Variants in SLC14A2 observed in about 807,000 individuals in gnomAD.
SLC14A2 encodes the protein solute carrier family 14 member 2, also known as urea transporter 2.
Under a neutral mutation model 104.6 loss-of-function variants are expected in SLC14A2, and 91 were observed. The ratio of observed to expected loss-of-function variants is 0.87; its 90% CI spans 0.73 to 1.04. The LOEUF (loss-of-function observed/expected upper bound fraction) is 1.04, where lower values mean the gene tolerates loss of function less well. SLC14A2 is among the 50% of genes least tolerant of loss of function. The probability of loss-of-function intolerance (pLI) is 0.00; values close to 1 mark genes in which losing one functional copy is unlikely to be tolerated. For missense variants in SLC14A2, 1,189 were observed against 1,156.0 expected, an observed-to-expected ratio of 1.03 and a Z score of -0.41; for synonymous variants, 476 against 466.4, an observed-to-expected ratio of 1.02 and a Z score of -0.27.
At chr18:45,395,600 T>A (rs1282570525) in intron 1 of SLC14A2, among the ~76,000 whole-genome samples, 3 of 151,690 alleles carry the variant, frequency 2.0e-5, no homozygotes, top group African/African-American at 7.3e-5. Flanking sequence ...TAATCCAAAC[T>A]TTTTTTTTGT....
At chr18:45,258,829 T>A (rs1347422953) in intron 1 of SLC14A2, among the ~76,000 whole-genome samples, 2 of 102,800 alleles carry the variant, frequency 1.9e-5, no homozygotes, top group Non-Finnish European at 4.1e-5. Context: ...TGACTAGGGG[T>A]GTGACTTGAT....
At chr18:45,512,608 A>T (rs772449399) in intron 2 of SLC14A2, among the ~76,000 whole-genome samples, 7 of 152,226 alleles carry the variant, frequency 4.6e-5, no homozygotes, top group Non-Finnish European at 1.0e-4. Flanking sequence ...ATTACCAAGA[A>T]AAATGACAGC....
intron 2 of SLC14A2, among the ~76,000 whole-genome samples, chr18:45,594,423 C>G (rs141209215): frequency 7.9e-5 from 12 of 152,084 alleles, no homozygotes; most frequent in Non-Finnish European, 1.8e-4. Context: ...AAAATGGCAC[C>G]GCAGGTTTTC....
intron 18 of SLC14A2, among the ~76,000 whole-genome samples, chr18:45,675,713 T>A (rs373027610): frequency 0.33 from 17,933 of 55,076 alleles, 1,083 homozygotes; most frequent in South Asian, 0.4. Flanking sequence ...ATATATATTT[T>A]TTTTTTTTTT....
At chr18:45,287,633 C>T (rs915170421) in intron 1 of SLC14A2, among the ~76,000 whole-genome samples, 21 of 152,242 alleles carry the variant, frequency 1.4e-4, no homozygotes, top group African/African-American at 4.1e-4. Flanking sequence ...GGCATGAAAA[C>T]TAAATGATCA....
chr18:45,491,635 GGGAAAA>G (rs1410285297), intron 2 of SLC14A2, among the ~76,000 whole-genome samples: 2 of 152,160 alleles, frequency 1.3e-5, no homozygotes, highest in Non-Finnish European at 2.9e-5. Context: ...ATTCAGAAAA[GGGAAAA>G]GGAAAAAGCT....
At chr18:45,244,874 C>A (rs532409883) in intron 1 of SLC14A2, among the ~76,000 whole-genome samples, 1 of 152,326 alleles carries the variant, frequency 6.6e-6, no homozygotes, top group African/African-American at 2.4e-5. Flanking sequence ...ATTCATTCAT[C>A]CATCTGTCTA....
At chr18:45,258,909 T>C (rs1033210816) in intron 1 of SLC14A2, among the ~76,000 whole-genome samples, 1 of 152,178 alleles carries the variant, frequency 6.6e-6, no homozygotes, top group African/African-American at 2.4e-5. Flanking sequence ...ATCCAGGCCT[T>C]GCACTTCTCT....
chr18:45,251,119 C>T (rs770650448), intron 1 of SLC14A2, among the ~76,000 whole-genome samples: 1 of 152,008 alleles, frequency 6.6e-6, no homozygotes, highest in Non-Finnish European at 1.5e-5. Context: ...TTTTGGTGTA[C>T]CCATCACCCA....
At chr18:45,618,676 A>C (rs1406700300) in intron 1 of SLC14A2, among the ~76,000 whole-genome samples, 1 of 121,368 alleles carries the variant, frequency 8.2e-6, no homozygotes, top group South Asian at 3.0e-4. Flanking sequence ...TCTCAAAAAA[A>C]AAAAAAAAAA....
intron 1 of SLC14A2, among the ~76,000 whole-genome samples, chr18:45,445,517 T>C (rs2086753804): frequency 6.6e-6 from 1 of 152,228 alleles, no homozygotes; most frequent in South Asian, 2.1e-4. Context: ...GTGGTGGTCT[T>C]TTCTTCACTT....
intron 1 of SLC14A2, among the ~76,000 whole-genome samples, chr18:45,477,469 C>T (rs551975872): frequency 6.6e-6 from 1 of 152,290 alleles, no homozygotes; most frequent in African/African-American, 2.4e-5. Flanking sequence ...GTCAGGGACC[C>T]ACTTTAGGAG....
At chr18:45,350,632 T>TG (rs2085493854) in intron 1 of SLC14A2, among the ~76,000 whole-genome samples, 1 of 152,176 alleles carries the variant, frequency 6.6e-6, no homozygotes, top group Non-Finnish European at 1.5e-5. Flanking sequence ...GATGCGGTAA[T>TG]GCCGCTGACG....
At chr18:45,464,143 A>G (rs1481926551) in intron 1 of SLC14A2, among the ~76,000 whole-genome samples, 1 of 152,216 alleles carries the variant, frequency 6.6e-6, no homozygotes, top group African/African-American at 2.4e-5. Flanking sequence ...ATGTCTACCC[A>G]ACAGAAGTAG....
At chr18:45,283,764 C>T (rs1029014989) in intron 1 of SLC14A2, among the ~76,000 whole-genome samples, 1 of 151,936 alleles carries the variant, frequency 6.6e-6, no homozygotes, top group African/African-American at 2.4e-5. Flanking sequence ...AGAGATATGC[C>T]CCCTCGTGGG....
intron 2 of SLC14A2, among the ~76,000 whole-genome samples, chr18:45,533,258 G>C (rs1282782444): frequency 6.6e-6 from 1 of 152,156 alleles, no homozygotes; most frequent in Admixed American, 6.5e-5. Context: ...GATTGGAGTA[G>C]TTTCAGAAGG....
chr18:45,494,474 T>C (rs184466907), intron 2 of SLC14A2, among the ~76,000 whole-genome samples: 30 of 152,292 alleles, frequency 2.0e-4, no homozygotes, highest in African/African-American at 7.0e-4. Context: ...CTCGGCTCAC[T>C]GCAACCTCCA....
chr18:45,435,438 A>G (rs572156453), intron 1 of SLC14A2: 1 of 152,358 alleles, frequency 6.6e-6, no homozygotes, highest in African/African-American at 2.4e-5. Context: ...CTGTGCATGA[A>G]AAATGAGTAT....
At chr18:45,358,079 C>A (rs2144320971) in intron 1 of SLC14A2, among the ~76,000 whole-genome samples, 1 of 152,268 alleles carries the variant, frequency 6.6e-6, no homozygotes, top group South Asian at 2.1e-4. Context: ...GTGGTCTACC[C>A]TTTTTGCTTG....
Sources: gnomAD v4.1 joint callset for allele counts (sites outside exome capture counted in the v4.1 genomes callset) on GRCh38, gnomAD v4.1.1 for gene constraint, MANE v1.5 for transcripts, NCBI Gene and HGNC (gene_info 2026-07-23, HGNC 2026-07-21) for gene names.